The following KIF5C variants were observed in gnomAD, a reference collection of about 807,000 sequenced individuals.
KIF5C encodes the protein kinesin heavy chain isoform 5C.
In KIF5C, 18 loss-of-function variants were observed where a neutral mutation model predicts 125.2. That is an observed-to-expected ratio of 0.14 (90% CI 0.10 to 0.21). The LOEUF (loss-of-function observed/expected upper bound fraction) is 0.21. Ranked by LOEUF, KIF5C falls within the 10% of genes least tolerant of loss-of-function variation. The probability of loss-of-function intolerance (pLI) is 1.00; values close to 1 mark genes in which losing one functional copy is unlikely to be tolerated. For synonymous variants in KIF5C, 405 were observed against 434.0 expected (o/e 0.93, Z 0.83); for missense variants, 780 against 1,183.8 (o/e 0.66, Z 5.01).
intron 19 of KIF5C, chr2:149,000,153 A>G (rs966553588): frequency 8.7e-6 from 3 of 344,774 alleles, no homozygotes; most frequent in Non-Finnish European, 1.6e-5. Flanking sequence ...CTCCCATCTC[A>G]TTATTTTTCC....
chr2:148,940,379 A>G (rs1682381157), intron 4 of KIF5C, among the ~76,000 whole-genome samples: 1 of 152,202 alleles, frequency 6.6e-6, no homozygotes, highest in Non-Finnish European at 1.5e-5. Context: ...CTAGGGATAC[A>G]GGCAGCCAGG....
At chr2:149,004,041 C>A (rs550884021) in intron 21 of KIF5C, among the ~76,000 whole-genome samples, 10 of 152,206 alleles carry the variant, frequency 6.6e-5, no homozygotes, top group African/African-American at 9.6e-5. Context: ...GAGTGCTGCA[C>A]CCCTGCCCCT....
chr2:148,912,187 A>G (rs1681365983), intron 1 of KIF5C, among the ~76,000 whole-genome samples: 1 of 152,226 alleles, frequency 6.6e-6, no homozygotes, highest in Non-Finnish European at 1.5e-5. Flanking sequence ...ACTTCAAGTC[A>G]GGAAGCAGGG....
At chr2:148,937,470 A>T (rs972168569) in intron 4 of KIF5C, 82 bp downstream of exon 4, 41 of 1,479,096 alleles carry the variant, frequency 2.8e-5, no homozygotes, top group Non-Finnish European at 3.5e-5. Context: ...AAGAAGATAT[A>T]AAAGATGATC....
chr2:148,970,561 T>C (rs2105142961), intron 11 of KIF5C, among the ~76,000 whole-genome samples: 1 of 152,344 alleles, frequency 6.6e-6, no homozygotes, highest in African/African-American at 2.4e-5. Flanking sequence ...GCCATAGCAC[T>C]GGAGATGAGA....
At chr2:148,947,960 C>T (rs771875171) in intron 8 of KIF5C, 10 of 456,558 alleles carry the variant, frequency 2.2e-5, no homozygotes, top group South Asian at 3.1e-5. Context: ...CTTACATCCA[C>T]GTGAGTAATG....
At position 148,875,575 on chromosome 2, in the gene KIF5C, G is replaced by GCCCCCCCCCCCCCCCCCTTCCCCC; in HGVS notation, c.-37_-36insCCCCCCCCCCCTTCCCCCCCCCCC. 1 of 699,606 alleles carries GCCCCCCCCCCCCCCCCCTTCCCCC rather than the reference G, an allele frequency of 1.4e-6. No individual in the cohort carries two copies. The highest frequency in any genetic ancestry group is 2.2e-5 in the Admixed American group (1 of 46,070). 43.3% of individuals were successfully genotyped at this position (699,606 alleles called of 1,614,324 possible). ...TCCTCCCTCGTCGTTCCCGGCCCCGGCCCCCCACCCATCCCCGTGCCCCCT... is the reference window on the plus strand; with the variant it reads ...TCCTCCCTCGTCGTTCCCGGCCCCGGCCCCCCCCCCCCCCCCCTTCCCCCCCCCCCACCCATCCCCGTGCCCCCT... On this transcript the variant is annotated 5_prime_UTR_variant, in exon 1 of 26. Transcript: ENST00000435030.
At chr2:149,002,499 T>G (rs1250918644) in intron 21 of KIF5C, among the ~76,000 whole-genome samples, 1 of 152,218 alleles carries the variant, frequency 6.6e-6, no homozygotes, top group Non-Finnish European at 1.5e-5. Context: ...ACACTCTTGC[T>G]CACACACAGA....
At chr2:148,976,956 G>A (rs1332065764) in intron 12 of KIF5C, among the ~76,000 whole-genome samples, 1 of 152,112 alleles carries the variant, frequency 6.6e-6, no homozygotes, top group African/African-American at 2.4e-5. Context: ...GTTATCCATG[G>A]ACAAGATCTT....
intron 1 of KIF5C, among the ~76,000 whole-genome samples, chr2:148,905,932 T>A (rs975088238): frequency 6.6e-6 from 1 of 152,182 alleles, no homozygotes; most frequent in Non-Finnish European, 1.5e-5. Context: ...CCATCAGATC[T>A]TGTGAGACTT....
At chr2:148,898,504 A>G (rs931138789) in intron 1 of KIF5C, among the ~76,000 whole-genome samples, 1 of 152,226 alleles carries the variant, frequency 6.6e-6, no homozygotes, top group African/African-American at 2.4e-5. Context: ...CTTCAAATAA[A>G]GATTGTCTAG....
At chr2:148,892,060 G>A (rs1312626902) in intron 1 of KIF5C, among the ~76,000 whole-genome samples, 1 of 152,154 alleles carries the variant, frequency 6.6e-6, no homozygotes, top group African/African-American at 2.4e-5. Flanking sequence ...TTGCCATTCT[G>A]CAAATGAGGA....
chr2:148,971,507 A>G (rs928134267), intron 11 of KIF5C, among the ~76,000 whole-genome samples: 17 of 152,308 alleles, frequency 1.1e-4, no homozygotes, highest in Admixed American at 3.9e-4. Context: ...TGAATGAAAT[A>G]TTGATTTGGT....
chr2:149,007,958 T>C lies in KIF5C; in HGVS notation c.2446-5T>C. 1.3e-6 allele frequency: 2 copies of C among 1,595,780 alleles called. No homozygotes were observed. The highest frequency in any genetic ancestry group is 1.1e-5 in the South Asian group (1 of 88,306). On this transcript the variant is annotated splice_region_variant and splice_polypyrimidine_tract_variant and intron_variant, in intron 22 of 25. Coordinates refer to ENST00000435030, the MANE Select transcript of KIF5C (RefSeq NM_004522.3). ...TGTCCTGCTGACCCCTTGGTGTCAA[T>C]GCAGAGTGTGGAGTTGGACAACGAT...
intron 1 of KIF5C, chr2:148,883,918 C>T (rs1681440820): frequency 2.6e-5 from 4 of 151,996 alleles, no homozygotes; most frequent in Admixed American, 1.3e-4. Flanking sequence ...AAAGGATATA[C>T]GAGATGATTT....
intron 8 of KIF5C, chr2:148,947,475 G>T (rs967617417): frequency 5.3e-6 from 1 of 187,642 alleles, no homozygotes; most frequent in East Asian, 1.5e-4. Flanking sequence ...AACCTGGGGC[G>T]CTCCCTGCAT....
intron 13 of KIF5C, among the ~76,000 whole-genome samples, chr2:148,980,159 C>T (rs933090099): frequency 6.6e-5 from 10 of 152,260 alleles, no homozygotes; most frequent in African/African-American, 2.4e-4. Flanking sequence ...TGATTACCTC[C>T]CCTGCCCAAA....
chr2:148,897,918 CAAAAAAAAAAAAAAAAAAAAAAAA>C lies in KIF5C; in HGVS notation c.126+22192_126+22215del, dbSNP rs55762538. 3.1e-3 allele frequency among the ~76,000 whole-genome samples: 63 copies of C among 20,452 alleles called. 1 individual carries two copies. Among genetic ancestry groups the C allele is most frequent in the South Asian group, 0.028 (10 of 362 alleles). The allele number at this position is 20,452 out of a possible 152,430, so 13.4% of individuals were successfully genotyped here. On this transcript the variant is annotated intron_variant, in intron 1 of 25. Coordinates refer to ENST00000435030, the MANE Select transcript of KIF5C (RefSeq NM_004522.3). ...TGGCTGACAGAGTAAGACTCAGTCT[CAAAAAAAAAAAAAAAAAAAAAAAA>C]AAAAAAAAAAAAAAAATCATCCTGT...
At chr2:148,916,798 G>A (rs555010344) in intron 1 of KIF5C, among the ~76,000 whole-genome samples, 19 of 152,280 alleles carry the variant, frequency 1.2e-4, no homozygotes, top group Admixed American at 3.9e-4. Context: ...TTTCCTTGAC[G>A]TTTGGAGAGA....
Sources: allele counts gnomAD v4.1 joint callset (sites outside exome capture counted in the v4.1 genomes callset), GRCh38; gene constraint gnomAD v4.1.1; transcripts MANE v1.5; gene names NCBI Gene and HGNC (gene_info 2026-07-23, HGNC 2026-07-21).